The following CCNY variants were observed in gnomAD, a reference collection of about 807,000 sequenced individuals.
The protein encoded by CCNY is cyclin-Y.
In CCNY, 19 loss-of-function variants were observed where a neutral mutation model predicts 42.8. The observed-to-expected ratio is 0.44, with a 90% confidence interval of 0.31 to 0.65. CCNY has a LOEUF of 0.65. Among genes scored for constraint, CCNY ranks in the 30% least tolerant of loss-of-function variants. The pLI, the probability that CCNY is intolerant of heterozygous loss-of-function variation, is 0.07. For synonymous variants in CCNY, 165 were observed against 162.7 expected (o/e 1.01, Z -0.11); for missense variants, 370 against 437.3 (o/e 0.85, Z 1.37).
intron 1 of CCNY, among the ~76,000 whole-genome samples, chr10:35,247,333 C>A (rs2095708687): frequency 6.6e-6 from 1 of 152,160 alleles, no homozygotes; most frequent in Non-Finnish European, 1.5e-5. Context: ...GTGGCTCATG[C>A]ATGTAATCCC....
At chr10:35,307,816 ATATTT>A (rs1227671470) in intron 3 of CCNY, among the ~76,000 whole-genome samples, 9 of 68,528 alleles carry the variant, frequency 1.3e-4, no homozygotes, top group African/African-American at 1.5e-4. Context: ...ATATATATAT[ATATTT>A]TTTTTTTTTT....
At chr10:35,535,567 A>G (rs578244767) in intron 7 of CCNY, among the ~76,000 whole-genome samples, 1 of 152,284 alleles carries the variant, frequency 6.6e-6, no homozygotes, top group Non-Finnish European at 1.5e-5. Flanking sequence ...TATGAGAGAC[A>G]GAGTGAGTGT....
intron 3 of CCNY, among the ~76,000 whole-genome samples, chr10:35,268,334 T>C (rs113326111): frequency 0.017 from 2,588 of 152,236 alleles, 57 homozygotes; most frequent in African/African-American, 0.045. Context: ...GCCAACATGG[T>C]GAAACTCTGT....
At chr10:35,496,566 C>G (rs1002637343) in intron 2 of CCNY, among the ~76,000 whole-genome samples, 3 of 152,136 alleles carry the variant, frequency 2.0e-5, no homozygotes, top group African/African-American at 2.4e-5. Flanking sequence ...TGCGGTGGCT[C>G]ATACCTGTAA....
intron 1 of CCNY, among the ~76,000 whole-genome samples, chr10:35,406,992 T>C (rs1355510308): frequency 6.6e-6 from 1 of 152,212 alleles, no homozygotes; most frequent in Non-Finnish European, 1.5e-5. Flanking sequence ...CTGGCCCCTC[T>C]GGGTCTAGGG....
At chr10:35,451,570 G>A (rs1023660111) in intron 1 of CCNY, among the ~76,000 whole-genome samples, 2 of 152,156 alleles carry the variant, frequency 1.3e-5, no homozygotes, top group South Asian at 2.1e-4. Flanking sequence ...TTCCTCTTTT[G>A]TTGGTGCTTT....
chr10:35,401,445 A>G (rs113222765), intron 1 of CCNY, among the ~76,000 whole-genome samples: 1 of 152,202 alleles, frequency 6.6e-6, no homozygotes, highest in African/African-American at 2.4e-5. Context: ...CTTCTTAAAC[A>G]GCTATAACAA....
rs952065357 is a variant in CCNY, at chr10:35,535,246, C to A, written c.579+5003C>A. Among the ~76,000 whole-genome samples the A allele has an allele frequency of 2.0e-5, 3 of 151,954 alleles. No homozygotes were observed. The East Asian group carries it at 5.8e-4, about 30-fold the overall frequency. Reference sequence around the variant, plus strand: ...TACAGAGAAGGGGGTGGTTGTCAGTCAGCTGCTTGACTTAGAGCAGGCCTG... The same window carrying A: ...TACAGAGAAGGGGGTGGTTGTCAGTAAGCTGCTTGACTTAGAGCAGGCCTG... On this transcript the variant is annotated intron_variant, in intron 7 of 9. Transcript: ENST00000374704.
chr10:35,542,754 C>A (rs1322867680), intron 7 of CCNY, among the ~76,000 whole-genome samples: 1 of 152,170 alleles, frequency 6.6e-6, no homozygotes, highest in African/African-American at 2.4e-5. Flanking sequence ...TTGAGTCTGA[C>A]CCTGAAAGAC....
chr10:35,294,402 A>C (rs1835447639), intron 3 of CCNY, among the ~76,000 whole-genome samples: 1 of 152,190 alleles, frequency 6.6e-6, no homozygotes. Context: ...TTTTTCATAA[A>C]TGTCATTTAT....
At chr10:35,426,074 C>A (rs1475974431) in intron 1 of CCNY, among the ~76,000 whole-genome samples, 1 of 150,110 alleles carries the variant, frequency 6.7e-6, no homozygotes, top group Non-Finnish European at 1.5e-5. Flanking sequence ...CCAAATTAAA[C>A]CCTGGCTCCT....
At chr10:35,409,082 A>G (rs894892182) in intron 1 of CCNY, among the ~76,000 whole-genome samples, 5 of 152,140 alleles carry the variant, frequency 3.3e-5, no homozygotes, top group African/African-American at 1.2e-4. Context: ...AATGAAGTAC[A>G]TTAAGGAGGC....
intron 3 of CCNY, among the ~76,000 whole-genome samples, chr10:35,510,429 T>C (rs576869398): frequency 4.5e-4 from 69 of 152,134 alleles, no homozygotes; most frequent in Non-Finnish European, 8.4e-4. Flanking sequence ...ATGGCTCAGG[T>C]TGGTCTCGAA....
rs3802509 is a variant in CCNY at position 35,483,474 on chromosome 10, G to A, written c.225G>A (p.Thr75=). Residue 75 remains threonine, a synonymous_variant, in exon 2 of 10, where the codon ACG becomes ACA. Coordinates refer to ENST00000374704, the MANE Select transcript of CCNY (RefSeq NM_145012.6). ...ASTIFLSKSQ[T]DVREKRKSLF... is the part of the protein sequence containing the mutation. The stretch of plus-strand genomic sequence containing the variant: ...CAATATTCCTCAGTAAATCTCAGAC[G>A]GACGGTAGGTCCTTAATTTATGTTT... The A allele has an allele frequency of 0.34, 541,767 of 1,585,550 alleles. 97,323 individuals carry two copies. The highest frequency in any genetic ancestry group is 0.62 in the African/African-American group (46,110 of 74,108).
At chr10:35,461,355 G>T (rs2135330066) in intron 1 of CCNY, among the ~76,000 whole-genome samples, 1 of 152,290 alleles carries the variant, frequency 6.6e-6, no homozygotes, top group South Asian at 2.1e-4. Flanking sequence ...AAGGGATGTG[G>T]TTAGTGAATG....
intron 3 of CCNY, among the ~76,000 whole-genome samples, chr10:35,286,940 G>A (rs886818460): frequency 6.0e-4 from 91 of 152,262 alleles, no homozygotes; most frequent in African/African-American, 2.0e-3. Context: ...GATTACAGGC[G>A]CAAGCCATAG....
chr10:35,549,167 G>A (rs1841188027), intron 7 of CCNY, among the ~76,000 whole-genome samples: 1 of 121,970 alleles, frequency 8.2e-6, no homozygotes. Context: ...AGTCTGACCT[G>A]CCCCTCCCCA....
At chr10:35,378,506 C>G (rs2474529) in intron 1 of CCNY, among the ~76,000 whole-genome samples, 8,041 of 151,638 alleles carry the variant, frequency 0.053, 312 homozygotes, top group African/African-American at 0.11. Context: ...AAGAGGTTAC[C>G]GGAGCCCTCG....
chr10:35,264,650 T>C (rs1325632175), intron 3 of CCNY, among the ~76,000 whole-genome samples: 2 of 152,108 alleles, frequency 1.3e-5, no homozygotes, highest in Non-Finnish European at 2.9e-5. Flanking sequence ...GCCCAGTTTT[T>C]TGTTTTGTTT....
Sources: allele counts gnomAD v4.1 joint callset (sites outside exome capture counted in the v4.1 genomes callset), GRCh38; gene constraint gnomAD v4.1.1; transcripts MANE v1.5; gene names NCBI Gene and HGNC (gene_info 2026-07-23, HGNC 2026-07-21).